HIPK1: variants seen among roughly 807,000 people sequenced by gnomAD.
HIPK1 encodes homeodomain interacting protein kinase 1, also known as homeodomain-interacting protein kinase 1.
In HIPK1, 28 loss-of-function variants were observed where a neutral mutation model predicts 117.1. The ratio of observed to expected loss-of-function variants is 0.24; its 90% CI spans 0.18 to 0.33. The LOEUF (loss-of-function observed/expected upper bound fraction) is 0.33. Ranked by LOEUF, HIPK1 falls within the 10% of genes least tolerant of loss-of-function variation. The pLI, the probability that HIPK1 is intolerant of heterozygous loss-of-function variation, is 1.00. For missense variants in HIPK1, 1,122 were observed against 1,475.1 expected, an observed-to-expected ratio of 0.76 and a Z score of 3.92; for synonymous variants, 605 against 562.5, an observed-to-expected ratio of 1.08 and a Z score of -1.07.
At chr1:113,942,492 C>T (rs1436361935) in intron 2 of HIPK1, among the ~76,000 whole-genome samples, 1 of 152,202 alleles carries the variant, frequency 6.6e-6, no homozygotes, top group Non-Finnish European at 1.5e-5. Context: ...AGGTTTAACT[C>T]TAGTAACATT....
At chr1:113,933,719 T>C (rs1670054912) in intron 1 of HIPK1, among the ~76,000 whole-genome samples, 2 of 151,916 alleles carry the variant, frequency 1.3e-5, no homozygotes, top group Non-Finnish European at 2.9e-5. Context: ...ACAAAAAAAT[T>C]AGCTGGGCGT....
intron 8 of HIPK1, among the ~76,000 whole-genome samples, chr1:113,959,159 T>C (rs965297637): frequency 2.6e-5 from 4 of 152,092 alleles, no homozygotes; most frequent in Non-Finnish European, 2.9e-5. Context: ...TAAACCAGGA[T>C]TCAGGTATTT....
chr1:113,945,201 A>G (rs906110014), intron 2 of HIPK1, among the ~76,000 whole-genome samples: 43 of 152,122 alleles, frequency 2.8e-4, no homozygotes, highest in African/African-American at 9.9e-4. Flanking sequence ...AGAAATGTCT[A>G]TTTAAGTCCT....
At chr1:113,949,866 C>T (rs1368130309) in intron 2 of HIPK1, among the ~76,000 whole-genome samples, 2 of 152,110 alleles carry the variant, frequency 1.3e-5, no homozygotes, top group African/African-American at 4.8e-5. Context: ...TCCCAAAGTG[C>T]TTGTATTACA....
In HIPK1 at chr1:113,929,338, G is replaced by A. The variant is rs1476463192; in HGVS notation, c.-197G>A. 4 of 1,289,350 alleles carry A rather than the reference G, an allele frequency of 3.1e-6. No individual in the cohort carries two copies. In the Admixed American group the frequency reaches 9.2e-5, roughly 30 times the overall value. The allele number at this position is 1,289,350 out of a possible 1,614,324, so 79.9% of individuals were successfully genotyped here. A position where few individuals can be genotyped will look rare whatever the true frequency, so the allele number is the denominator to read the frequency against. ...CTAGCTGGGATGACATTTTACAGTT[G>A]GATCCCGTACCACCGCCAGGCACCT... On this transcript the variant is annotated 5_prime_UTR_variant, in exon 1 of 16. Transcript: ENST00000426820.
Position 113,952,902 on chromosome 1 carries a change from A to T in HIPK1, c.1200+13A>T. ...AGAATATGATCAGGTAAAAGTGTTT[A>T]TTTGAATGGAAATAGAATGCAAATA... On this transcript the variant is annotated intron_variant, in intron 3 of 15. Coordinates refer to ENST00000426820, the MANE Select transcript of HIPK1 (RefSeq NM_198268.3). The T allele has an allele frequency of 6.8e-7, 1 of 1,475,918 alleles. No individual in the cohort carries two copies. Among genetic ancestry groups the T allele is most frequent in the Non-Finnish European group, 9.0e-7 (1 of 1,112,768 alleles). The allele number at this position is 1,475,918 out of a possible 1,614,324, so 91.4% of individuals were successfully genotyped here. A position where few individuals can be genotyped will look rare whatever the true frequency, so the allele number is the denominator to read the frequency against.
Position 113,941,983 on chromosome 1 carries a change from G to A in HIPK1, c.1076+524G>A, listed in dbSNP as rs759811860. 2.6e-5 allele frequency among the ~76,000 whole-genome samples: 4 copies of A among 151,802 alleles called. No individual in the cohort carries two copies. Among genetic ancestry groups the A allele is most frequent in the South Asian group, 2.1e-4 (1 of 4,810 alleles). Reference sequence around the variant, plus strand: ...TCACCGTGTTAGCCAGGATGGTCTCGATATCCTGACCTCGTGATCCACCCG... The same window carrying A: ...TCACCGTGTTAGCCAGGATGGTCTCAATATCCTGACCTCGTGATCCACCCG... On this transcript the variant is annotated intron_variant, in intron 2 of 15. Transcript: ENST00000426820. This position sits in a 1 kb window ranked among gnomAD's most constrained non-coding sequence, Gnocchi z 4.9.
rs75497694 is a variant in HIPK1 at position 113,952,960 on chromosome 1, A to G, written c.1200+71A>G. ...GTGAATTAGATTCTGGAGAAAGAGA[A>G]GTACTAAGTACTACTGAAGTATTTA... On this transcript the variant is annotated intron_variant, in intron 3 of 15. Transcript: ENST00000426820. 3.2e-3 allele frequency: 4,157 copies of G among 1,303,674 alleles called. 102 individuals carry two copies. The African/African-American group carries it at 0.053, about 17-fold the overall frequency. The allele number at this position is 1,303,674 out of a possible 1,614,324, so 80.8% of individuals were successfully genotyped here.
chr1:113,958,167 A>T lies in HIPK1; in HGVS notation c.1857A>T (p.Ser619=), dbSNP rs936831722. ...ACTACCAGTCAGCTTTGTACCCATCATCTGCTGCACCAGTTCCTGGAGTTG... is the reference window on the plus strand; with the variant it reads ...ACTACCAGTCAGCTTTGTACCCATCTTCTGCTGCACCAGTTCCTGGAGTTG... ...LLNYQSALYP[S]SAAPVPGVAQ... Residue 619 remains serine, a synonymous_variant, in exon 8 of 16, where the codon TCA becomes TCT. Coordinates refer to ENST00000426820, the MANE Select transcript of HIPK1 (RefSeq NM_198268.3). The T allele has an allele frequency of 3.1e-6, 5 of 1,614,190 alleles. No individual in the cohort carries two copies. The highest frequency in any genetic ancestry group is 4.2e-6 in the Non-Finnish European group (5 of 1,180,014).
chr1:113,961,492 AGGAATGG>A (rs900623327), intron 8 of HIPK1, among the ~76,000 whole-genome samples: 15 of 152,334 alleles, frequency 9.8e-5, no homozygotes, highest in Admixed American at 9.8e-4. Flanking sequence ...ATATTTTTTG[AGGAATGG>A]GGAAAAGCAT....
Position 113,955,663 on chromosome 1 carries a change from GT to G in HIPK1, c.1407+17del, listed in dbSNP as rs767271951. ...GACATGGCTCAGGTGAGTACGGAAA[GT>G]TTCAGAAAGTCAGACATTTATTTTT... On this transcript the variant is annotated intron_variant, in intron 5 of 15. Transcript: ENST00000426820. The G allele has an allele frequency of 4.9e-6, 7 of 1,415,376 alleles. No homozygotes were observed. In the South Asian group the frequency reaches 8.6e-5, roughly 17 times the overall value. 87.7% of individuals were successfully genotyped at this position (1,415,376 alleles called of 1,614,324 possible). A position where few individuals can be genotyped will look rare whatever the true frequency, so the allele number is the denominator to read the frequency against.
rs1359403101 is a variant in HIPK1, at chr1:113,974,002, T to C, written c.*490T>C. ...AATTACTTTTTGTTTGTTTATAAAC[T>C]CAGACTTGCCTATTTTATTTTAAAA... is the stretch of plus-strand genomic sequence containing the variant. On this transcript the variant is annotated 3_prime_UTR_variant, in exon 16 of 16. Transcript: ENST00000426820. The C allele has an allele frequency of 2.0e-5, 3 of 152,626 alleles. No homozygotes were observed. The highest frequency in any genetic ancestry group is 7.2e-5 in the African/African-American group (3 of 41,482). The allele number at this position is 152,626 out of a possible 1,614,324, so 9.5% of individuals were successfully genotyped here.
intron 1 of HIPK1, among the ~76,000 whole-genome samples, chr1:113,936,831 G>A (rs889714022): frequency 6.6e-6 from 1 of 152,130 alleles, no homozygotes; most frequent in African/African-American, 2.4e-5. Flanking sequence ...TTTCTATTTA[G>A]ATTCTTTCAC....
At chr1:113,958,693 A>G (rs1671894645) in intron 8 of HIPK1, among the ~76,000 whole-genome samples, 1 of 152,254 alleles carries the variant, frequency 6.6e-6, no homozygotes, top group Non-Finnish European at 1.5e-5. Flanking sequence ...TATAAAAATT[A>G]TGTTCCCAAT....
At chr1:113,960,201 T>C (rs1042367178) in intron 8 of HIPK1, among the ~76,000 whole-genome samples, 3 of 152,244 alleles carry the variant, frequency 2.0e-5, no homozygotes, top group Non-Finnish European at 4.4e-5. Flanking sequence ...AGGCAATTTA[T>C]TCTTTCCATA....
rs1455922690 is a variant in HIPK1, at chr1:113,976,284, TAC to T, written c.*2774_*2775del. On this transcript the variant is annotated 3_prime_UTR_variant, in exon 16 of 16. Transcript: ENST00000426820. Reference sequence around the variant, plus strand: ...TGTATAATTTCTGTCACTAGTGTCATACAGTTTTCTGGTCAACATGTGTGATC... The same window carrying T: ...TGTATAATTTCTGTCACTAGTGTCATAGTTTTCTGGTCAACATGTGTGATC... 1.3e-5 allele frequency: 2 copies of T among 152,436 alleles called. No individual in the cohort carries two copies. Among genetic ancestry groups the T allele is most frequent in the East Asian group, 1.9e-4 (1 of 5,346 alleles). 9.4% of individuals were successfully genotyped at this position (152,436 alleles called of 1,614,324 possible).
intron 2 of HIPK1, among the ~76,000 whole-genome samples, chr1:113,951,721 G>T (rs1006542240): frequency 6.6e-6 from 1 of 152,106 alleles, no homozygotes; most frequent in African/African-American, 2.4e-5. Flanking sequence ...ACTCTATGTG[G>T]TGGGAACTCT....
rs112301024 is a variant in HIPK1, at chr1:113,966,312, G to A, written c.2381+40G>A. ...TTACTCTGGGAGATTTGTAAGGGCC[G>A]ATCCCATAGGGTGGGAGCACTTGGT... On this transcript the variant is annotated intron_variant, in intron 11 of 15. Coordinates refer to ENST00000426820, the MANE Select transcript of HIPK1 (RefSeq NM_198268.3). 1.6e-4 allele frequency: 249 copies of A among 1,584,240 alleles called. 1 individual carries two copies. The African/African-American group carries it at 3.1e-3, about 19-fold the overall frequency.
intron 9 of HIPK1, among the ~76,000 whole-genome samples, chr1:113,962,954 C>T (rs1021593407): frequency 7.2e-5 from 11 of 152,122 alleles, no homozygotes; most frequent in African/African-American, 2.4e-4. Flanking sequence ...AAACTTTATA[C>T]TTGCTATGGA....
Sources: gnomAD v4.1 joint callset for allele counts (sites outside exome capture counted in the v4.1 genomes callset) on GRCh38, gnomAD v4.1.1 for gene constraint, Gnocchi (gnomAD v3.1) non-coding constraint, MANE v1.5 for transcripts, NCBI Gene and HGNC (gene_info 2026-07-23, HGNC 2026-07-21) for gene names.